The following SMYD3 variants were observed in gnomAD, a reference collection of about 807,000 sequenced individuals.
SMYD3 encodes the protein SET and MYND domain containing 3.
SMYD3 carries 36 observed loss-of-function variants against 57.7 expected under a neutral mutation model. The observed-to-expected ratio is 0.62, with a 90% CI of 0.48 to 0.82. The LOEUF (loss-of-function observed/expected upper bound fraction) is 0.82. SMYD3 is among the 40% of genes least tolerant of loss of function. SMYD3 has a pLI of 0.00. For synonymous variants in SMYD3, 211 were observed against 195.0 expected (o/e 1.08, Z -0.68); for missense variants, 515 against 538.8 (o/e 0.96, Z 0.44).
chr1:246,339,346 T>A (rs2065594948), intron 2 of SMYD3, among the ~76,000 whole-genome samples: 1 of 152,220 alleles, frequency 6.6e-6, no homozygotes, highest in South Asian at 2.1e-4. Flanking sequence ...TATTATTTTA[T>A]CATAGGTTTT....
chr1:246,284,422 T>C (rs2064515065), intron 5 of SMYD3, among the ~76,000 whole-genome samples: 2 of 45,526 alleles, frequency 4.4e-5, no homozygotes, highest in Non-Finnish European at 3.8e-5. Context: ...TTCTTTTTCT[T>C]TTTTTTTTTT....
intron 5 of SMYD3, among the ~76,000 whole-genome samples, chr1:246,173,954 G>A (rs569828454): frequency 2.0e-5 from 3 of 152,074 alleles, no homozygotes; most frequent in African/African-American, 2.4e-5. Context: ...CTACAGGTGC[G>A]TGTCACCACA....
At chr1:245,848,494 G>C (rs1458985716) in intron 10 of SMYD3, among the ~76,000 whole-genome samples, 1 of 151,988 alleles carries the variant, frequency 6.6e-6, no homozygotes, top group Non-Finnish European at 1.5e-5. Flanking sequence ...CTGCAGCCTC[G>C]AACTCCTGGG....
At chr1:245,945,260 A>T (rs918452614) in intron 5 of SMYD3, among the ~76,000 whole-genome samples, 2 of 152,224 alleles carry the variant, frequency 1.3e-5, no homozygotes, top group African/African-American at 4.8e-5. Flanking sequence ...CAGAGTCTAC[A>T]AGGAACTTAA....
chr1:245,783,737 C>T (rs1347133078), intron 10 of SMYD3, among the ~76,000 whole-genome samples: 1 of 152,294 alleles, frequency 6.6e-6, no homozygotes, highest in Non-Finnish European at 1.5e-5. Context: ...TATATATCTA[C>T]AGACTAGCAA....
chr1:245,829,850 G>T (rs1291808087), intron 10 of SMYD3, among the ~76,000 whole-genome samples: 2 of 152,084 alleles, frequency 1.3e-5, no homozygotes, highest in African/African-American at 4.8e-5. Context: ...TATGCTAAGT[G>T]AAATAAGTCA....
At position 245,968,663 on chromosome 1, in the gene SMYD3, C is replaced by A. The variant is rs1418961799; in HGVS notation, c.532-38726G>T. On this transcript the variant is annotated intron_variant, in intron 5 of 11. Coordinates refer to ENST00000490107, the MANE Select transcript of SMYD3 (RefSeq NM_001167740.2). The stretch of plus-strand genomic sequence containing the variant: ...CATCTTTGAATCTTGTGACTCGGGG[C>A]AAGTTACTCAAGTCTTCTGGAACTG... Among the ~76,000 whole-genome samples the A allele has an allele frequency of 2.0e-5, 3 of 152,162 alleles. No homozygotes were observed. The East Asian group carries it at 5.8e-4, about 29-fold the overall frequency.
chr1:246,407,702 A>G (rs533016123), intron 1 of SMYD3, among the ~76,000 whole-genome samples: 1 of 151,898 alleles, frequency 6.6e-6, no homozygotes, highest in South Asian at 2.1e-4. Context: ...ATTAGCCAGG[A>G]GTGGTGGCAA....
At chr1:246,330,606 A>C (rs1049907616) in intron 3 of SMYD3, 69 bp from the exon 4 acceptor site, 2 of 1,343,526 alleles carry the variant, frequency 1.5e-6, no homozygotes, top group African/African-American at 2.9e-5. Context: ...AATAAGTTTG[A>C]GTACCTTTGT....
At chr1:246,006,920 C>T (rs969021253) in intron 5 of SMYD3, among the ~76,000 whole-genome samples, 2 of 152,220 alleles carry the variant, frequency 1.3e-5, no homozygotes, top group East Asian at 3.8e-4. Flanking sequence ...AGAGCAGACA[C>T]AGCCAGAGCT....
intron 10 of SMYD3, among the ~76,000 whole-genome samples, chr1:245,786,756 T>C (rs1217440736): frequency 1.3e-5 from 2 of 151,876 alleles, no homozygotes; most frequent in Non-Finnish European, 2.9e-5. Flanking sequence ...CCAATGAATC[T>C]GCCAGCATGG....
intron 5 of SMYD3, among the ~76,000 whole-genome samples, chr1:246,226,385 C>T (rs12119704): frequency 0.27 from 40,589 of 151,986 alleles, 6,113 homozygotes; most frequent in East Asian, 0.58. Context: ...AAGATGAGGC[C>T]ATGTACTACA....
rs1231802775 is a variant in SMYD3, at chr1:245,751,584, GAGAGAGAGAA to G, written c.1186-1930_1186-1921del. On this transcript the variant is annotated intron_variant, in intron 11 of 11. Coordinates refer to ENST00000490107, the MANE Select transcript of SMYD3 (RefSeq NM_001167740.2). Reference sequence around the variant, plus strand: ...AGAGACAGAGAGAAAGAGAAAGAGAGAGAGAGAGAAAGAGAGAGAGAGAAAGAGAGAGAGA... The same window carrying G: ...AGAGACAGAGAGAAAGAGAAAGAGAGAGAGAGAGAGAGAAAGAGAGAGAGA... Among the ~76,000 whole-genome samples, 32 of 57,136 alleles carry G rather than the reference GAGAGAGAGAA, an allele frequency of 5.6e-4. 1 individual carries two copies. The highest frequency in any genetic ancestry group is 4.3e-3 in the Admixed American group (25 of 5,882). 37.5% of individuals were successfully genotyped at this position (57,136 alleles called of 152,430 possible).
At chr1:245,870,479 G>A (rs185600162) in intron 8 of SMYD3, among the ~76,000 whole-genome samples, 164 of 152,178 alleles carry the variant, frequency 1.1e-3, no homozygotes, top group South Asian at 3.1e-3. Context: ...TTCTAATGGC[G>A]CTCTTGGCCC....
At chr1:246,269,543 C>A (rs59394056) in intron 5 of SMYD3, among the ~76,000 whole-genome samples, 15 of 135,222 alleles carry the variant, frequency 1.1e-4, no homozygotes, top group Non-Finnish European at 1.7e-4. Flanking sequence ...CTTTTTTTTT[C>A]TTTTTTTTTT....
chr1:245,844,723 T>C (rs1016028829), intron 10 of SMYD3, among the ~76,000 whole-genome samples: 1 of 141,852 alleles, frequency 7.0e-6, no homozygotes, highest in Admixed American at 7.3e-5. Context: ...TTCTTAATAG[T>C]TCGAATGAAA....
intron 8 of SMYD3, among the ~76,000 whole-genome samples, chr1:245,888,887 G>A (rs1426265698): frequency 2.0e-5 from 3 of 152,148 alleles, no homozygotes; most frequent in Admixed American, 6.5e-5. Context: ...AAGAGAAAGT[G>A]GAACCACATT....
chr1:246,460,175 C>T (rs1283250944), intron 1 of SMYD3, among the ~76,000 whole-genome samples: 1 of 152,196 alleles, frequency 6.6e-6, no homozygotes, highest in African/African-American at 2.4e-5. Context: ...CAGTGCTTTA[C>T]CTCGACTGCC....
chr1:246,202,223 T>C lies in SMYD3; in HGVS notation c.531+124978A>G, dbSNP rs890817642. Among the ~76,000 whole-genome samples the C allele has an allele frequency of 5.3e-5, 8 of 152,216 alleles. No individual in the cohort carries two copies. The highest frequency in any genetic ancestry group is 2.9e-5 in the Non-Finnish European group (2 of 68,038). ...TTTAATTTAAAAAAACAGTGACATATACATATCAGTCCTTTTATTTAGTAC... is the reference window on the plus strand; with the variant it reads ...TTTAATTTAAAAAAACAGTGACATACACATATCAGTCCTTTTATTTAGTAC... On this transcript the variant is annotated intron_variant, in intron 5 of 11. Coordinates refer to ENST00000490107, the MANE Select transcript of SMYD3 (RefSeq NM_001167740.2). The surrounding 1 kb of genome is among the most constrained non-coding windows in gnomAD (Gnocchi z 4.1).
Sources: gnomAD v4.1 joint callset for allele counts (sites outside exome capture counted in the v4.1 genomes callset) on GRCh38, gnomAD v4.1.1 for gene constraint, Gnocchi (gnomAD v3.1) non-coding constraint, MANE v1.5 for transcripts, NCBI Gene and HGNC (gene_info 2026-07-23, HGNC 2026-07-21) for gene names.